ICAM2: variants seen among roughly 807,000 people sequenced by gnomAD.
The protein encoded by ICAM2 is ICAM-2.
Under a neutral mutation model 19.1 loss-of-function variants are expected in ICAM2, and 14 were observed. The ratio of observed to expected loss-of-function variants is 0.73; its 90% confidence interval spans 0.48 to 1.15. The LOEUF is 1.15. ICAM2 is among the 50% of genes most tolerant of loss of function. The pLI is 0.00. For missense variants in ICAM2, 311 were observed against 355.4 expected (o/e 0.88, Z 1.00); for synonymous variants, 153 against 152.7 (o/e 1.00, Z -0.01).
intron 1 of ICAM2, among the ~76,000 whole-genome samples, chr17:64,016,383 C>T (rs1295159281): frequency 6.6e-6 from 1 of 152,224 alleles, no homozygotes; most frequent in Non-Finnish European, 1.5e-5. Context: ...TTTGTGCAAG[C>T]CTAGACTCCC....
chr17:64,006,930 C>T, intron 1 of ICAM2, 195 bp from the exon 2 acceptor site: 1 of 569,652 alleles, frequency 1.8e-6, no homozygotes. Context: ...GGGCATAACC[C>T]AGTCCTCCCT....
chr17:64,016,526 G>C, intron 1 of ICAM2, among the ~76,000 whole-genome samples: 1 of 152,220 alleles, frequency 6.6e-6, no homozygotes, highest in East Asian at 1.9e-4. Context: ...AAGTGTGGGA[G>C]AGTTAAGGTC....
At chr17:64,007,492 C>A (rs1244962504) in intron 1 of ICAM2, among the ~76,000 whole-genome samples, 2 of 152,148 alleles carry the variant, frequency 1.3e-5, no homozygotes, top group Admixed American at 6.5e-5. Flanking sequence ...GAACTCCTGA[C>A]CTCAGGTGAT....
At chr17:64,008,197 G>T (rs1464115986) in intron 1 of ICAM2, among the ~76,000 whole-genome samples, 1 of 152,224 alleles carries the variant, frequency 6.6e-6, no homozygotes, top group Non-Finnish European at 1.5e-5. Flanking sequence ...TGGGAATGAT[G>T]CAGGGAGGAA....
At chr17:64,003,572 C>CAAG in intron 4 of ICAM2, 72 bp downstream of exon 4, 1 of 1,424,386 alleles carries the variant, frequency 7.0e-7, no homozygotes, top group South Asian at 1.3e-5. Flanking sequence ...AAGTGGGACT[C>CAAG]AAGATTTTTC....
chr17:64,017,917 T>C (rs1480520939), intron 1 of ICAM2, among the ~76,000 whole-genome samples: 1 of 152,184 alleles, frequency 6.6e-6, no homozygotes, highest in African/African-American at 2.4e-5. Context: ...TAGAAATCAA[T>C]TCCATTTAGA....
rs143932691 is a variant in ICAM2, at chr17:64,002,915, C to T, written c.660G>A (p.Ser220=). The change falls in exon 5 of 5, where the codon TCG becomes TCA. Residue 220 remains serine, a synonymous_variant. Coordinates refer to ENST00000579788, the MANE Select transcript of ICAM2 (RefSeq NM_001099789.2). The part of the protein sequence containing the change: ...PKMLEIYEPV[S]DSQMVIIVTV... Reference sequence around the variant, plus strand: ...TGACTATGATGACCATCTGGCTGTCCGACACAGGCTCTGGGGAGGGAGGGG... The same window carrying T: ...TGACTATGATGACCATCTGGCTGTCTGACACAGGCTCTGGGGAGGGAGGGG... 56 of 1,612,916 alleles carry T rather than the reference C, an allele frequency of 3.5e-5. 1 individual carries two copies. Among genetic ancestry groups the T allele is most frequent in the South Asian group, 1.3e-4 (12 of 91,002 alleles).
chr17:64,012,645 G>A (rs1485381983), intron 1 of ICAM2, among the ~76,000 whole-genome samples: 1 of 152,150 alleles, frequency 6.6e-6, no homozygotes, highest in Non-Finnish European at 1.5e-5. Flanking sequence ...ATTTAAAAAG[G>A]CAAAACTTGG....
In ICAM2 at chr17:64,005,197, C is replaced by G; in HGVS notation, c.238G>C (p.Val80Leu). 1 of 1,614,098 alleles carries G rather than the reference C, an allele frequency of 6.2e-7. No homozygotes were observed. Among genetic ancestry groups the G allele is most frequent in the Non-Finnish European group, 8.5e-7 (1 of 1,180,010 alleles). Residue 80 changes from valine to leucine, a missense_variant, in exon 3 of 5, where the codon GTC becomes CTC. Physicochemically the swap from Val to Leu is conservative, Grantham distance 32. Transcript: ENST00000579788. ...ACCGTGTCATGGGAGATGTTTGAGA[C>G]CAAGTAATGTTTCCACTGAGCCTGT... ...DEQAQWKHYL[V>L]SNISHDTVLQ... is the part of the protein sequence containing the mutation.
chr17:64,005,516 G>C, intron 2 of ICAM2, 143 bp from the exon 3 acceptor site: 1 of 930,682 alleles, frequency 1.1e-6, no homozygotes, highest in Non-Finnish European at 1.6e-6. Flanking sequence ...CTTTCCCCTT[G>C]TCAGGTGTCA....
intron 1 of ICAM2, among the ~76,000 whole-genome samples, chr17:64,014,420 AAAGGAAGG>A (rs71155993): frequency 0.29 from 36,859 of 128,446 alleles, 6,920 homozygotes; most frequent in South Asian, 0.46. Context: ...AAAGAGAAAG[AAAGGAAGG>A]AAGGAAGGAA....
chr17:64,002,698 C>T lies in ICAM2; in HGVS notation c.*49G>A. On this transcript the variant is annotated 3_prime_UTR_variant, in exon 5 of 5. Coordinates refer to ENST00000579788, the MANE Select transcript of ICAM2 (RefSeq NM_001099789.2). ...GCTGGACCTCAACCCTGAGGAGTCA[C>T]ACTGAGTTCCAGTGACCACCGTGGT... 2.6e-6 allele frequency: 4 copies of T among 1,554,462 alleles called. No homozygotes were observed. Among genetic ancestry groups the T allele is most frequent in the Non-Finnish European group, 3.5e-6 (4 of 1,138,996 alleles).
intron 1 of ICAM2, among the ~76,000 whole-genome samples, chr17:64,014,714 GAAGGAAGGAAGAAAGAAAGAAAGAAAGA>G (rs1199855676): frequency 1.7e-4 from 3 of 17,536 alleles, no homozygotes; most frequent in East Asian, 4.2e-3. Context: ...AGGAAGGAAG[GAAGGAAGGAAGAAAGAAAGAAAGAAAGA>G]AAGAAAGAAA....
chr17:64,010,896 T>G (rs1911423773), intron 1 of ICAM2, among the ~76,000 whole-genome samples: 2 of 152,082 alleles, frequency 1.3e-5, no homozygotes, highest in Non-Finnish European at 2.9e-5. Context: ...TAACTTGGAA[T>G]TTTTAGGAGG....
chr17:64,003,936 C>T lies in ICAM2; in HGVS notation c.357G>A (p.Leu119=). 1 of 1,613,490 alleles carries T rather than the reference C, an allele frequency of 6.2e-7. No homozygotes were observed. The highest frequency in any genetic ancestry group is 8.5e-7 in the Non-Finnish European group (1 of 1,179,718). ...YQPPRQVILT[L]QPTLVAVGKS... is the part of the protein sequence containing the mutation. ...TGCCCACAGCCACCAAAGTGGGTTGCAGTGTCAGGATGACCTGCCTTGGAG... is the reference window on the plus strand; with the variant it reads ...TGCCCACAGCCACCAAAGTGGGTTGTAGTGTCAGGATGACCTGCCTTGGAG... The change falls in exon 4 of 5, where the codon CTG becomes CTA. Residue 119 remains leucine, a synonymous_variant. Coordinates refer to ENST00000579788, the MANE Select transcript of ICAM2 (RefSeq NM_001099789.2).
chr17:64,009,822 A>G (rs1323669724), intron 1 of ICAM2, among the ~76,000 whole-genome samples: 2 of 152,198 alleles, frequency 1.3e-5, no homozygotes, highest in Non-Finnish European at 2.9e-5. Flanking sequence ...ATAAAATGTT[A>G]AGTTTTCCCT....
intron 1 of ICAM2, among the ~76,000 whole-genome samples, chr17:64,019,386 A>AC (rs986482092): frequency 1.4e-5 from 2 of 140,272 alleles, no homozygotes; most frequent in African/African-American, 5.1e-5. Context: ...ATATAGTGTG[A>AC]CCCCATCTCA....
chr17:64,009,666 C>T (rs1304865047), intron 1 of ICAM2, among the ~76,000 whole-genome samples: 2 of 149,480 alleles, frequency 1.3e-5, no homozygotes, highest in Non-Finnish European at 3.0e-5. Flanking sequence ...AAAGAGCTTG[C>T]AGCACACTCA....
chr17:64,005,941 G>A (rs902626158), intron 2 of ICAM2: 22 of 160,600 alleles, frequency 1.4e-4, no homozygotes, highest in South Asian at 3.5e-4. Flanking sequence ...GGAAAGCGCC[G>A]AGAAAGGGAG....
Sources: gnomAD v4.1 joint callset for allele counts (sites outside exome capture counted in the v4.1 genomes callset) on GRCh38, gnomAD v4.1.1 for gene constraint, MANE v1.5 for transcripts, NCBI Gene and HGNC (gene_info 2026-07-23, HGNC 2026-07-21) for gene names.